LIFR: variants seen among roughly 807,000 people sequenced by gnomAD.
LIFR encodes leukemia inhibitory factor receptor.
A neutral mutation model predicts 122.2 loss-of-function variants in LIFR; 84 were observed. The observed-to-expected ratio is 0.69, with a 90% confidence interval of 0.58 to 0.82. The LOEUF is 0.82. LIFR is among the 40% of genes least tolerant of loss of function. LIFR has a pLI of 0.00. For synonymous variants in LIFR, 422 were observed against 434.7 expected (o/e 0.97, Z 0.36); for missense variants, 1,294 against 1,311.6 (o/e 0.99, Z 0.21).
chr5:38,582,838 C>T (rs1479978806), intron 1 of LIFR, among the ~76,000 whole-genome samples: 1 of 152,204 alleles, frequency 6.6e-6, no homozygotes, highest in Admixed American at 6.5e-5. Flanking sequence ...CCAGGGAATT[C>T]CCTGCTGCCA....
At chr5:38,554,308 G>A (rs985986386) in intron 1 of LIFR, among the ~76,000 whole-genome samples, 1 of 152,152 alleles carries the variant, frequency 6.6e-6, no homozygotes, top group African/African-American at 2.4e-5. Context: ...AAGTTATATA[G>A]AAGCAAACAG....
upstream of LIFR, among the ~76,000 whole-genome samples, chr5:38,598,405 C>T (rs1339744283): frequency 6.6e-6 from 1 of 150,850 alleles, no homozygotes; most frequent in Admixed American, 6.6e-5. Context: ...CACCACCATG[C>T]CTGGCTAATT....
At chr5:38,546,467 T>G (rs907653888) in intron 1 of LIFR, among the ~76,000 whole-genome samples, 3 of 151,946 alleles carry the variant, frequency 2.0e-5, no homozygotes, top group African/African-American at 7.3e-5. Flanking sequence ...CAAAATGGAG[T>G]GTTTAAAAAT....
intron 17 of LIFR, 81 bp from the exon 18 acceptor site, chr5:38,484,949 G>C: frequency 2.1e-6 from 2 of 968,546 alleles, no homozygotes; most frequent in Non-Finnish European, 3.3e-6. Flanking sequence ...AAGGTATTTA[G>C]GTTGGTAAAT....
At chr5:38,516,398 G>A (rs1158639929) in intron 5 of LIFR, among the ~76,000 whole-genome samples, 1 of 152,028 alleles carries the variant, frequency 6.6e-6, no homozygotes, top group African/African-American at 2.4e-5. Context: ...CAAAAAAGCG[G>A]GCAAACGATA....
intron 4 of LIFR, among the ~76,000 whole-genome samples, chr5:38,526,415 C>CTG (rs34077685): frequency 0.024 from 3,558 of 148,078 alleles, 79 homozygotes; most frequent in African/African-American, 0.057. Flanking sequence ...ACAAACTTTA[C>CTG]TGTGTGTGTG....
chr5:38,541,184 G>A (rs999703858), intron 1 of LIFR, among the ~76,000 whole-genome samples: 3 of 152,170 alleles, frequency 2.0e-5, no homozygotes, highest in African/African-American at 7.2e-5. Context: ...CATCTTCTAT[G>A]TAAGAGTGGA....
intron 1 of LIFR, among the ~76,000 whole-genome samples, chr5:38,606,543 C>T (rs572824940): frequency 4.9e-4 from 74 of 152,222 alleles, no homozygotes; most frequent in African/African-American, 1.6e-3. Context: ...TAATTACCTG[C>T]GAGCACAAAT....
At chr5:38,483,314 C>A (rs1561129529) in intron 18 of LIFR, among the ~76,000 whole-genome samples, 1 of 152,210 alleles carries the variant, frequency 6.6e-6, no homozygotes, top group Non-Finnish European at 1.5e-5. Context: ...GAAATTCCTA[C>A]AGAAAAAATA....
At chr5:38,500,308 A>G (rs1745110797) in intron 11 of LIFR, among the ~76,000 whole-genome samples, 1 of 152,216 alleles carries the variant, frequency 6.6e-6, no homozygotes, top group African/African-American at 2.4e-5. Context: ...TTCCAGACAC[A>G]TACAGGTTGA....
upstream of LIFR, among the ~76,000 whole-genome samples, chr5:38,598,437 C>T (rs7713962): frequency 0.062 from 9,282 of 150,826 alleles, 831 homozygotes; most frequent in East Asian, 0.24. Flanking sequence ...GTAGAGATGA[C>T]GTTTCACCAT....
intron 1 of LIFR, among the ~76,000 whole-genome samples, chr5:38,536,046 G>C (rs1259896052): frequency 2.6e-5 from 4 of 152,056 alleles, no homozygotes; most frequent in African/African-American, 9.7e-5. Flanking sequence ...GTGTGACATC[G>C]TATCTTTATC....
At position 38,548,711 on chromosome 5, in the gene LIFR, A is replaced by G. The variant is rs542483670; in HGVS notation, c.-20+7623T>C. Among the ~76,000 whole-genome samples, 167 of 152,340 alleles carry G rather than the reference A, an allele frequency of 1.1e-3. 1 individual carries two copies. The highest frequency in any genetic ancestry group is 6.8e-3 in the Middle Eastern group (2 of 294). On this transcript the variant is annotated intron_variant, in intron 1 of 19. Coordinates refer to ENST00000453190, the MANE Select transcript of LIFR (RefSeq NM_001127671.2). ...ACAGGACTATTCAAGACAACAACAG[A>G]AAAAGAAGAAAAATGCCTTCAATTC...
rs1745314819 is a variant in LIFR, at chr5:38,503,962, T to C, written c.1437+14A>G. 6.6e-7 allele frequency: 1 copy of C among 1,525,094 alleles called. No homozygotes were observed. Among genetic ancestry groups the C allele is most frequent in the Non-Finnish European group, 9.1e-7 (1 of 1,100,172 alleles). 94.5% of individuals were successfully genotyped at this position (1,525,094 alleles called of 1,614,324 possible). On this transcript the variant is annotated intron_variant, in intron 10 of 19. Transcript: ENST00000453190. ...CCAAAATAATCACAAAGGAAGTCTT[T>C]AAGAGAATCTTACCTGCTCTTGTAC...
chr5:38,522,348 G>T (rs1056893928), intron 5 of LIFR, among the ~76,000 whole-genome samples: 3 of 152,136 alleles, frequency 2.0e-5, no homozygotes, highest in African/African-American at 7.2e-5. Context: ...GGTGCTTCCT[G>T]TCACTTCTCT....
At chr5:38,512,068 GT>G in intron 5 of LIFR, 104 bp from the exon 6 acceptor site, 2 of 1,154,300 alleles carry the variant, frequency 1.7e-6, no homozygotes, top group Non-Finnish European at 2.6e-6. Flanking sequence ...CATCAGCTAA[GT>G]TTATGTTTTG....
At chr5:38,507,106 G>A (rs1030762448) in intron 7 of LIFR, among the ~76,000 whole-genome samples, 1 of 152,106 alleles carries the variant, frequency 6.6e-6, no homozygotes, top group Non-Finnish European at 1.5e-5. Context: ...TATAAGTACT[G>A]TTGTTTAGAA....
intron 1 of LIFR, among the ~76,000 whole-genome samples, chr5:38,545,350 A>ATGTG (rs112421759): frequency 4.6e-5 from 7 of 151,418 alleles, no homozygotes; most frequent in African/African-American, 1.7e-4. Flanking sequence ...ACATAAATAT[A>ATGTG]TGTGTGTGTG....
chr5:38,555,557 A>G (rs2112670469), intron 1 of LIFR, among the ~76,000 whole-genome samples: 1 of 152,346 alleles, frequency 6.6e-6, no homozygotes, highest in South Asian at 2.1e-4. Context: ...TTTTAAAGAC[A>G]CATAAAAAGA....
Sources: gnomAD v4.1 joint callset for allele counts (sites outside exome capture counted in the v4.1 genomes callset) on GRCh38, gnomAD v4.1.1 for gene constraint, MANE v1.5 for transcripts, NCBI Gene and HGNC (gene_info 2026-07-23, HGNC 2026-07-21) for gene names.